Variants in SYNE1 observed in about 807,000 individuals in gnomAD.
SYNE1 encodes spectrin repeat containing nuclear envelope protein 1, also known as nesprin-1.
A neutral mutation model predicts 1,111.0 loss-of-function variants in SYNE1; 616 were observed. That is an observed-to-expected ratio of 0.55 (90% CI 0.52 to 0.59). The LOEUF is 0.59. SYNE1 is among the 20% of genes least tolerant of loss of function. The probability of loss-of-function intolerance (pLI) is 0.00; values close to 1 mark genes in which losing one functional copy is unlikely to be tolerated. For missense variants in SYNE1, 10,006 were observed against 10,417.0 expected (o/e 0.96, Z 1.72); for synonymous variants, 3,855 against 3,825.8 (o/e 1.01, Z -0.28).
chr6:152,141,443 T>C, intron 138 of SYNE1, 114 bp from the exon 139 acceptor site: 1 of 1,408,802 alleles, frequency 7.1e-7, no homozygotes, highest in South Asian at 1.2e-5. Flanking sequence ...GTTTGGCTCC[T>C]CTGTGCCACC....
intron 97 of SYNE1, among the ~76,000 whole-genome samples, chr6:152,280,078 G>T (rs2093938432): frequency 6.6e-6 from 1 of 152,098 alleles, no homozygotes; most frequent in Non-Finnish European, 1.5e-5. Context: ...TTCCATGGGG[G>T]AAACAGCCTA....
At chr6:152,138,103 G>A (rs954645060) in intron 140 of SYNE1, among the ~76,000 whole-genome samples, 6 of 152,142 alleles carry the variant, frequency 3.9e-5, no homozygotes, top group East Asian at 1.9e-4. Flanking sequence ...TCTCTCTCAC[G>A]TGGTACTTTG....
chr6:152,166,397 G>A lies in SYNE1; in HGVS notation c.23628-2072C>T, dbSNP rs1437713990. 4.6e-5 allele frequency among the ~76,000 whole-genome samples: 7 copies of A among 152,134 alleles called. No homozygotes were observed. The East Asian group carries it at 1.3e-3, about 29-fold the overall frequency. ...TTAAAATTTTTATTTGATATTAAGT[G>A]TGTATTAAGTTTTACTTCTAGATTC... is the stretch of plus-strand genomic sequence containing the variant. On this transcript the variant is annotated intron_variant, in intron 130 of 145. Transcript: ENST00000367255.
chr6:152,603,813 T>C (rs2099602007), intron 3 of SYNE1, among the ~76,000 whole-genome samples: 1 of 145,510 alleles, frequency 6.9e-6, no homozygotes, highest in Non-Finnish European at 1.5e-5. Context: ...ATATAGAGAG[T>C]ATATATATAT....
intron 73 of SYNE1, 110 bp downstream of exon 73, chr6:152,346,949 C>G (rs2096647960): frequency 1.5e-6 from 2 of 1,371,072 alleles, no homozygotes; most frequent in African/African-American, 2.9e-5. Flanking sequence ...GGCAACACAC[C>G]AAAACGAATC....
chr6:152,363,654 A>T, intron 63 of SYNE1: 1 of 440,564 alleles, frequency 2.3e-6, no homozygotes, highest in South Asian at 1.6e-5. Context: ...CCCGGATCAC[A>T]CCACTGCAGC....
chr6:152,169,423 G>C, intron 130 of SYNE1, among the ~76,000 whole-genome samples: 1 of 151,560 alleles, frequency 6.6e-6, no homozygotes, highest in East Asian at 1.9e-4. Flanking sequence ...TTAGCTGGGC[G>C]TGGTGGCGGG....
chr6:152,171,060 C>T (rs961863588), intron 130 of SYNE1, among the ~76,000 whole-genome samples: 2 of 152,160 alleles, frequency 1.3e-5, no homozygotes, highest in Admixed American at 1.3e-4. Flanking sequence ...TGAGGCCTCC[C>T]CAGCCATGTG....
intron 78 of SYNE1, among the ~76,000 whole-genome samples, chr6:152,327,169 T>C (rs1284511653): frequency 6.6e-6 from 1 of 152,086 alleles, no homozygotes; most frequent in African/African-American, 2.4e-5. Flanking sequence ...GGCACATGCC[T>C]GTAACAGCTA....
At chr6:152,273,872 C>T (rs1471908523) in intron 98 of SYNE1, among the ~76,000 whole-genome samples, 1 of 152,174 alleles carries the variant, frequency 6.6e-6, no homozygotes, top group Non-Finnish European at 1.5e-5. Flanking sequence ...ATTTGTGGTT[C>T]CTGCCTTGTT....
chr6:152,281,394 A>G (rs1476931984), intron 97 of SYNE1, among the ~76,000 whole-genome samples: 2 of 152,188 alleles, frequency 1.3e-5, no homozygotes, highest in Non-Finnish European at 2.9e-5. Flanking sequence ...CACTTGGAAA[A>G]GTTTTCCGAA....
chr6:152,608,939 A>G (rs1047821461), intron 3 of SYNE1, among the ~76,000 whole-genome samples: 1 of 69,316 alleles, frequency 1.4e-5, no homozygotes, highest in Non-Finnish European at 3.1e-5. Flanking sequence ...GGCAAAAAAT[A>G]AAAAAATAAA....
chr6:152,196,858 G>A (rs1431879920), intron 127 of SYNE1, among the ~76,000 whole-genome samples: 1 of 152,096 alleles, frequency 6.6e-6, no homozygotes, highest in African/African-American at 2.4e-5. Context: ...ACCTAGGAGT[G>A]TAGTACTTGT....
chr6:152,140,904 G>A (rs976163674), intron 139 of SYNE1, among the ~76,000 whole-genome samples: 6 of 152,034 alleles, frequency 3.9e-5, no homozygotes, highest in Admixed American at 6.5e-5. Context: ...GCGTGGTGGC[G>A]GGCGCCTGTA....
At chr6:152,263,898 G>A (rs1305065930) in intron 100 of SYNE1, among the ~76,000 whole-genome samples, 1 of 152,002 alleles carries the variant, frequency 6.6e-6, no homozygotes, top group Admixed American at 6.6e-5. Context: ...GGAAATAATG[G>A]CCACTCAATA....
intron 46 of SYNE1, among the ~76,000 whole-genome samples, chr6:152,402,212 T>C (rs1171053571): frequency 6.6e-6 from 1 of 152,128 alleles, no homozygotes; most frequent in Non-Finnish European, 1.5e-5. Flanking sequence ...CCTCCTCCCA[T>C]AGGCCTTGGT....
At chr6:152,612,846 T>A (rs950161161) in intron 3 of SYNE1, among the ~76,000 whole-genome samples, 1 of 152,156 alleles carries the variant, frequency 6.6e-6, no homozygotes, top group African/African-American at 2.4e-5. Flanking sequence ...ATTGAACATA[T>A]GCAAATCAGT....
rs1249539686 is a variant in SYNE1, at chr6:152,319,028, G to T, written c.16237-13C>A. On this transcript the variant is annotated splice_polypyrimidine_tract_variant and intron_variant, in intron 84 of 145. Transcript: ENST00000367255. ...TTTTGTCTTGGATCTAAAAAAATCA[G>T]TAAGAACAGCAAAACAAGCCATGGT... 4.3e-6 allele frequency: 7 copies of T among 1,613,662 alleles called. No individual in the cohort carries two copies. Among genetic ancestry groups the T allele is most frequent in the Non-Finnish European group, 5.9e-6 (7 of 1,179,918 alleles).
At chr6:152,213,414 A>G (rs1272812552) in intron 123 of SYNE1, among the ~76,000 whole-genome samples, 198 bp downstream of exon 123, 2 of 152,214 alleles carry the variant, frequency 1.3e-5, no homozygotes, top group Non-Finnish European at 2.9e-5. Flanking sequence ...CTTATAAACA[A>G]TCATGGAGCA....
Sources: gnomAD v4.1 joint callset for allele counts (sites outside exome capture counted in the v4.1 genomes callset) on GRCh38, gnomAD v4.1.1 for gene constraint, MANE v1.5 for transcripts, NCBI Gene and HGNC (gene_info 2026-07-23, HGNC 2026-07-21) for gene names.